PDLIM5: variants seen among roughly 807,000 people sequenced by gnomAD.
PDLIM5 encodes PDZ and LIM domain 5.
A neutral mutation model predicts 64.2 loss-of-function variants in PDLIM5; 34 were observed. The observed-to-expected ratio is 0.53, with a 90% CI of 0.40 to 0.71. PDLIM5 has a LOEUF of 0.71. Among genes scored for constraint, PDLIM5 ranks in the 30% least tolerant of loss-of-function variants. The pLI is 0.00. For synonymous variants in PDLIM5, 253 were observed against 269.1 expected (o/e 0.94, Z 0.59); for missense variants, 683 against 733.6 (o/e 0.93, Z 0.80).
At chr4:94,519,707 GTTTC>G (rs1409810177) in intron 2 of PDLIM5, among the ~76,000 whole-genome samples, 1 of 152,060 alleles carries the variant, frequency 6.6e-6, no homozygotes, top group Non-Finnish European at 1.5e-5. Context: ...TTTCTGGGTT[GTTTC>G]TTTCTTAGGA....
chr4:94,533,299 T>C (rs942365329), intron 3 of PDLIM5, among the ~76,000 whole-genome samples: 3 of 152,182 alleles, frequency 2.0e-5, no homozygotes, highest in Admixed American at 2.0e-4. Flanking sequence ...TTGAAAGTTT[T>C]TTTTTAACAT....
At chr4:94,478,843 T>G (rs1258628385) in intron 2 of PDLIM5, among the ~76,000 whole-genome samples, 1 of 151,606 alleles carries the variant, frequency 6.6e-6, no homozygotes, top group Admixed American at 6.6e-5. Flanking sequence ...ATTTTTTTGG[T>G]TTAAATGAAT....
At chr4:94,587,130 C>CTTT in intron 7 of PDLIM5, 1 of 1,218,348 alleles carries the variant, frequency 8.2e-7, no homozygotes, top group South Asian at 1.6e-5. Context: ...TTTTCATTTA[C>CTTT]TTTTTTTTTT....
chr4:94,650,463 T>C (rs2110480912), intron 9 of PDLIM5, among the ~76,000 whole-genome samples: 1 of 152,340 alleles, frequency 6.6e-6, no homozygotes, highest in Non-Finnish European at 1.5e-5. Context: ...AACTTGTTTT[T>C]TACTTCTATT....
chr4:94,535,722 A>C (rs2110168523), intron 3 of PDLIM5, among the ~76,000 whole-genome samples: 1 of 152,264 alleles, frequency 6.6e-6, no homozygotes, highest in African/African-American at 2.4e-5. Flanking sequence ...GTGTTTCAGC[A>C]TATACTAATT....
intron 2 of PDLIM5, among the ~76,000 whole-genome samples, chr4:94,522,197 T>G (rs971546168): frequency 6.6e-6 from 1 of 152,222 alleles, no homozygotes; most frequent in Non-Finnish European, 1.5e-5. Context: ...ATTATCTATG[T>G]GTAATCGTGA....
intron 2 of PDLIM5, among the ~76,000 whole-genome samples, chr4:94,468,049 A>G (rs1724529069): frequency 6.6e-6 from 1 of 152,254 alleles, no homozygotes. Flanking sequence ...GACCAATGCA[A>G]AGTTTTAATT....
intron 2 of PDLIM5, among the ~76,000 whole-genome samples, chr4:94,515,304 T>C (rs1289746303): frequency 6.6e-6 from 1 of 152,220 alleles, no homozygotes; most frequent in African/African-American, 2.4e-5. Context: ...TAGGGCCTTA[T>C]TAAATGTTAA....
At chr4:94,478,799 A>AT (rs1381694690) in intron 2 of PDLIM5, among the ~76,000 whole-genome samples, 3 of 148,516 alleles carry the variant, frequency 2.0e-5, no homozygotes, top group African/African-American at 5.0e-5. Context: ...AGAATCAGTG[A>AT]TTTTTTAAGA....
At chr4:94,495,826 C>T (rs1001690046) in intron 2 of PDLIM5, among the ~76,000 whole-genome samples, 5 of 152,152 alleles carry the variant, frequency 3.3e-5, no homozygotes, top group Admixed American at 6.5e-5. Flanking sequence ...TTTCATGGAG[C>T]TGTGTGAGCT....
At chr4:94,613,798 G>GAA (rs10627637) in intron 7 of PDLIM5, among the ~76,000 whole-genome samples, 9 of 151,962 alleles carry the variant, frequency 5.9e-5, no homozygotes, top group South Asian at 2.1e-4. Flanking sequence ...TTTAAATTTA[G>GAA]AAAATATATT....
At chr4:94,559,774 G>A (rs181707785) in intron 3 of PDLIM5, among the ~76,000 whole-genome samples, 65 of 152,268 alleles carry the variant, frequency 4.3e-4, no homozygotes, top group Middle Eastern at 3.4e-3. Flanking sequence ...TACAATTATT[G>A]TATTTTATTG....
intron 7 of PDLIM5, among the ~76,000 whole-genome samples, chr4:94,597,655 C>T (rs1737175324): frequency 6.6e-6 from 1 of 150,684 alleles, no homozygotes; most frequent in South Asian, 2.1e-4. Context: ...AATGACTTAC[C>T]GCTCAGGGTA....
chr4:94,564,898 C>T (rs767340090), intron 3 of PDLIM5, among the ~76,000 whole-genome samples: 185 of 151,868 alleles, frequency 1.2e-3, no homozygotes, highest in Admixed American at 2.4e-3. Flanking sequence ...CCTCGTGATC[C>T]GCCCGCCTCG....
chr4:94,628,082 T>C (rs1280871422), intron 8 of PDLIM5, among the ~76,000 whole-genome samples: 1 of 152,182 alleles, frequency 6.6e-6, no homozygotes, highest in Admixed American at 6.5e-5. Flanking sequence ...TTCTTACAGA[T>C]TCAAGGAAGT....
chr4:94,559,990 T>G (rs943167910), intron 3 of PDLIM5, among the ~76,000 whole-genome samples: 4 of 152,206 alleles, frequency 2.6e-5, no homozygotes, highest in South Asian at 2.1e-4. Flanking sequence ...GAGCAAAGCT[T>G]CTTCTCTGGC....
chr4:94,610,124 T>A, intron 7 of PDLIM5: 6 of 1,336,342 alleles, frequency 4.5e-6, no homozygotes, highest in Non-Finnish European at 5.1e-6. Flanking sequence ...CACTTTCCTT[T>A]TTGTTCCTCT....
At chr4:94,647,592 T>C (rs998963290) in intron 9 of PDLIM5, among the ~76,000 whole-genome samples, 2 of 152,176 alleles carry the variant, frequency 1.3e-5, no homozygotes, top group Non-Finnish European at 2.9e-5. Context: ...TATAATTGAT[T>C]ACTGGTCAGA....
At chr4:94,521,606 CAA>C (rs1729835052) in intron 2 of PDLIM5, among the ~76,000 whole-genome samples, 1 of 150,216 alleles carries the variant, frequency 6.7e-6, no homozygotes, top group Non-Finnish European at 1.5e-5. Context: ...GATAGCCTCT[CAA>C]GAGATCTAGT....
Sources: allele counts gnomAD v4.1 joint callset (sites outside exome capture counted in the v4.1 genomes callset), GRCh38; gene constraint gnomAD v4.1.1; transcripts MANE v1.5; gene names NCBI Gene and HGNC (gene_info 2026-07-23, HGNC 2026-07-21).